The following IL6 variants were observed in gnomAD, a reference collection of about 807,000 sequenced individuals.
The protein encoded by IL6 is interleukin-6.
A neutral mutation model predicts 18.0 loss-of-function variants in IL6; 5 were observed. The observed-to-expected ratio is 0.28, with a 90% CI of 0.15 to 0.58. The LOEUF (loss-of-function observed/expected upper bound fraction) is 0.58. IL6 is among the 20% of genes least tolerant of loss of function. The pLI is 0.90. For missense variants in IL6, 266 were observed against 251.0 expected (o/e 1.06, Z -0.40); for synonymous variants, 97 against 95.1 (o/e 1.02, Z -0.12).
chr7:22,730,248 G>C, intron 4 of IL6: 1 of 985,392 alleles, frequency 1.0e-6, no homozygotes, highest in Non-Finnish European at 1.2e-6. Context: ...AAGGGGCCTA[G>C]AATGAAACCC....
Position 22,730,027 on chromosome 7 carries a change from T to C in IL6, c.471+367T>C, listed in dbSNP as rs1260223088. 4 of 985,318 alleles carry C rather than the reference T, an allele frequency of 4.1e-6. No individual in the cohort carries two copies. In the African/African-American group the frequency reaches 7.0e-5, roughly 17 times the overall value. 61.0% of individuals were successfully genotyped at this position (985,318 alleles called of 1,614,324 possible). On this transcript the variant is annotated intron_variant, in intron 4 of 4. Transcript: ENST00000258743. ...AAGACCAAGGAGCACAAAATGATTT[T>C]AAGATTTTAGTCATTGCCAAGTGAC...
At chr7:22,728,571 A>G (rs1223422574) in intron 2 of IL6, 122 bp from the exon 3 acceptor site, 1 of 653,520 alleles carries the variant, frequency 1.5e-6, no homozygotes, top group Admixed American at 2.5e-5. Flanking sequence ...CAGGATGCCA[A>G]TGAGTTGTAG....
chr7:22,729,925 C>T (rs1784094252), intron 4 of IL6: 1 of 1,387,286 alleles, frequency 7.2e-7, no homozygotes, highest in Admixed American at 3.0e-5. Flanking sequence ...TTTAATAGTG[C>T]AAGAGATTTA....
At position 22,731,570 on chromosome 7, in the gene IL6, G is replaced by C; in HGVS notation, c.636G>C (p.Met212Ile). 1 of 1,597,048 alleles carries C rather than the reference G, an allele frequency of 6.3e-7. No individual in the cohort carries two copies. The highest frequency in any genetic ancestry group is 1.1e-5 in the South Asian group (1 of 88,922). ...LQSSLRALRQ[M>I] ...CCAGCCTGAGGGCTCTTCGGCAAAT[G>C]TAGCATGGGCACCTCAGATTGTTGT... is the stretch of plus-strand genomic sequence containing the variant. Residue 212 changes from methionine (M) to isoleucine (I), a missense_variant, in exon 5 of 5, where the codon ATG becomes ATC. By Grantham distance (10) the Met-to-Ile change is conservative. Coordinates refer to ENST00000258743, the MANE Select transcript of IL6 (RefSeq NM_000600.5).
chr7:22,729,396 G>A (rs1157478923), intron 3 of IL6, 118 bp from the exon 4 acceptor site: 1 of 884,848 alleles, frequency 1.1e-6, no homozygotes, highest in African/African-American at 1.7e-5. Flanking sequence ...TGCCTAAGAG[G>A]TACTTGAAGT....
At position 22,729,262 on chromosome 7, in the gene IL6, C is replaced by T. The variant is rs541228755; in HGVS notation, c.325-252C>T. Among the ~76,000 whole-genome samples, 34 of 152,290 alleles carry T rather than the reference C, an allele frequency of 2.2e-4. 1 individual carries two copies. The highest frequency in any genetic ancestry group is 1.9e-3 in the Admixed American group (29 of 15,304). Reference sequence around the variant, plus strand: ...AGTGCAGGAAGAACATCAAGGGGGACAATCAGAGAAGGATCCCCATTGCCA... The same window carrying T: ...AGTGCAGGAAGAACATCAAGGGGGATAATCAGAGAAGGATCCCCATTGCCA... On this transcript the variant is annotated intron_variant, in intron 3 of 4. Transcript: ENST00000258743.
At chr7:22,729,429 A>C (rs562976201) in intron 3 of IL6, 85 bp from the exon 4 acceptor site, 2 of 1,310,966 alleles carry the variant, frequency 1.5e-6, no homozygotes, top group Admixed American at 1.8e-5. Flanking sequence ...CAGAGGGAAA[A>C]GATGTCGAAC....
At chr7:22,728,830 T>C (rs768423462) in intron 3 of IL6, 24 bp downstream of exon 3, 1 of 1,375,694 alleles carries the variant, frequency 7.3e-7, no homozygotes, top group Non-Finnish European at 1.0e-6. Flanking sequence ...GCACTCACTT[T>C]TCACTATTCC....
intron 2 of IL6, chr7:22,728,416 T>C (rs1784056397): frequency 2.5e-6 from 1 of 407,008 alleles, no homozygotes; most frequent in Non-Finnish European, 4.5e-6. Context: ...TAAATAAATA[T>C]TGTGTCTAAT....
Position 22,727,460 on chromosome 7 carries a change from T to C in IL6, c.36T>C (p.Val12=), listed in dbSNP as rs1217156737. The change falls in exon 2 of 5, where the codon GTT becomes GTC. Residue 12 remains valine (V), a synonymous_variant. Transcript: ENST00000258743. ...NSFSTSAFGP[V]AFSLGLLLVL... ...CCGGCACAGGCGCCTTCGGTCCAGT[T>C]GCCTTCTCCCTGGGGCTGCTCCTGG... The C allele has an allele frequency of 3.1e-6, 5 of 1,613,932 alleles. No individual in the cohort carries two copies. The highest frequency in any genetic ancestry group is 4.2e-6 in the Non-Finnish European group (5 of 1,179,946).
At chr7:22,729,700 G>T in intron 4 of IL6, 40 bp downstream of exon 4, 1 of 1,614,034 alleles carries the variant, frequency 6.2e-7, no homozygotes. Flanking sequence ...TGTGGGGGAA[G>T]ACAGGCTCAA....
In IL6 at chr7:22,727,458, G is replaced by C. The variant is rs1784030327; in HGVS notation, c.34G>C (p.Val12Leu). Residue 12 changes from valine (V) to leucine (L), a missense_variant, in exon 2 of 5, where the codon GTT becomes CTT. By Grantham distance (32) the Val-to-Leu change is conservative (BLOSUM62 1). Transcript: ENST00000258743. ...CTCCGGCACAGGCGCCTTCGGTCCA[G>C]TTGCCTTCTCCCTGGGGCTGCTCCT... ...NSFSTSAFGP[V>L]AFSLGLLLVL... The C allele has an allele frequency of 4.3e-6, 7 of 1,613,910 alleles. No individual in the cohort carries two copies. The South Asian group carries it at 7.7e-5, about 18-fold the overall frequency.
rs201973357 is a variant in IL6, at chr7:22,728,676, C to T, written c.211-17C>T. Reference sequence around the variant, plus strand: ...TAGGGACACTTAGGTGATAACAATTCTGGTATTCTTTCCCAGACATGTAAC... The same window carrying T: ...TAGGGACACTTAGGTGATAACAATTTTGGTATTCTTTCCCAGACATGTAAC... On this transcript the variant is annotated splice_polypyrimidine_tract_variant and intron_variant, in intron 2 of 4. Transcript: ENST00000258743. The T allele has an allele frequency of 1.4e-6, 2 of 1,444,270 alleles. No homozygotes were observed. Among genetic ancestry groups the T allele is most frequent in the Non-Finnish European group, 2.0e-6 (2 of 1,025,614 alleles). 89.5% of individuals were successfully genotyped at this position (1,444,270 alleles called of 1,614,324 possible).
chr7:22,727,582 T>C lies in IL6; in HGVS notation c.158T>C (p.Ile53Thr), dbSNP rs762371056. The change falls in exon 2 of 5, where the codon ATT (isoleucine) becomes ACT (threonine). Residue 53 changes from isoleucine to threonine, a missense_variant. Physicochemically the swap from Ile to Thr is moderately conservative, Grantham distance 89 (BLOSUM62 -1). Coordinates refer to ENST00000258743, the MANE Select transcript of IL6 (RefSeq NM_000600.5). ...HRQPLTSSER[I>T]DKQIRYILDG... ...CAGCCACTCACCTCTTCAGAACGAA[T>C]TGACAAACAAATTCGGTACATCCTC... 2 of 1,587,912 alleles carry C rather than the reference T, an allele frequency of 1.3e-6. No individual in the cohort carries two copies. The highest frequency in any genetic ancestry group is 1.7e-6 in the Non-Finnish European group (2 of 1,168,360).
In IL6 at chr7:22,727,444, G is replaced by C. The variant is rs1415468375; in HGVS notation, c.20G>C (p.Ser7Thr). 6.2e-7 allele frequency: 1 copy of C among 1,613,842 alleles called. No homozygotes were observed. The highest frequency in any genetic ancestry group is 1.1e-5 in the South Asian group (1 of 91,072). MNSFST[S>T]AFGPVAFSLG... is the part of the protein sequence containing the mutation. The stretch of plus-strand genomic sequence containing the variant: ...CTGCGCTCGCTCCCCTCCGGCACAG[G>C]CGCCTTCGGTCCAGTTGCCTTCTCC... Residue 7 changes from serine (S) to threonine (T), a missense_variant and splice_region_variant, in exon 2 of 5, where the codon AGC becomes ACC. Ser to Thr is a moderately conservative substitution (Grantham distance 58, BLOSUM62 1). Transcript: ENST00000258743.
At chr7:22,729,150 C>T (rs1324484237) in intron 3 of IL6, among the ~76,000 whole-genome samples, 1 of 152,162 alleles carries the variant, frequency 6.6e-6, no homozygotes, top group Non-Finnish European at 1.5e-5. Context: ...CCTCCCTGCC[C>T]AGCTCATTCT....
Position 22,731,642 on chromosome 7 carries a change from A to C in IL6, c.*69A>C, listed in dbSNP as rs1002525182. On this transcript the variant is annotated 3_prime_UTR_variant, in exon 5 of 5. Coordinates refer to ENST00000258743, the MANE Select transcript of IL6 (RefSeq NM_000600.5). ...CTGGTCAGAAACCTGTCCACTGGGC[A>C]CAGAACTTATGTTGTTCTCTATGGA... 1.2e-4 allele frequency: 154 copies of C among 1,236,000 alleles called. No individual in the cohort carries two copies. The highest frequency in any genetic ancestry group is 1.7e-4 in the Non-Finnish European group (153 of 901,976). 76.6% of individuals were successfully genotyped at this position (1,236,000 alleles called of 1,614,324 possible). A position where few individuals can be genotyped will look rare whatever the true frequency, so the allele number is the denominator to read the frequency against.
chr7:22,727,358 G>C, intron 1 of IL6, 77 bp downstream of exon 1: 2 of 1,613,744 alleles, frequency 1.2e-6, no homozygotes, highest in Non-Finnish European at 1.7e-6. Context: ...GTGTGGCCCA[G>C]GGAGGGCTGG....
Position 22,728,781 on chromosome 7 carries a change from G to C in IL6, c.299G>C (p.Gly100Ala), listed in dbSNP as rs1302824312. The C allele has an allele frequency of 1.9e-6, 3 of 1,611,128 alleles. No homozygotes were observed. The highest frequency in any genetic ancestry group is 2.5e-6 in the Non-Finnish European group (3 of 1,177,260). ...LNLPKMAEKD[G>A]CFQSGFNEET... ...CTTCCAAAGATGGCTGAAAAAGATG[G>C]ATGCTTCCAATCTGGATTCAATGAG... is the stretch of plus-strand genomic sequence containing the variant. Residue 100 changes from glycine to alanine, a missense_variant, in exon 3 of 5, where the codon GGA becomes GCA. Physicochemically the swap from Gly to Ala is moderately conservative, Grantham distance 60 (BLOSUM62 0). Coordinates refer to ENST00000258743, the MANE Select transcript of IL6 (RefSeq NM_000600.5).
Sources: gnomAD v4.1 joint callset for allele counts (sites outside exome capture counted in the v4.1 genomes callset) on GRCh38, gnomAD v4.1.1 for gene constraint, MANE v1.5 for transcripts, NCBI Gene and HGNC (gene_info 2026-07-23, HGNC 2026-07-21) for gene names.